CDIN1: variants seen among roughly 807,000 people sequenced by gnomAD.
CDIN1 encodes CDAN1-interacting nuclease 1.
Under a neutral mutation model 45.3 loss-of-function variants are expected in CDIN1, and 33 were observed. That is an observed-to-expected ratio of 0.73 (90% CI 0.55 to 0.97). The LOEUF (loss-of-function observed/expected upper bound fraction) is 0.97. Among genes scored for constraint, CDIN1 ranks in the 50% least tolerant of loss-of-function variants. CDIN1 has a pLI of 0.00. For synonymous variants in CDIN1, 118 were observed against 124.4 expected (o/e 0.95, Z 0.34); for missense variants, 303 against 339.4 (o/e 0.89, Z 0.84).
Position 36,631,173 on chromosome 15 carries a change from A to G in CDIN1, c.102-13105A>G, listed in dbSNP as rs1283074366. ...TTAGTGTTGTGAGGTCACATTTAAA[A>G]TTTTGTATTTATAATGGAAAAAATG... On this transcript the variant is annotated intron_variant, in intron 1 of 10. Coordinates refer to ENST00000566621, the MANE Select transcript of CDIN1 (RefSeq NM_001321759.2). Among the ~76,000 whole-genome samples the G allele has an allele frequency of 3.3e-5, 5 of 152,350 alleles. No individual in the cohort carries two copies. The East Asian group carries it at 9.6e-4, about 29-fold the overall frequency.
At chr15:36,744,518 G>A (rs1411496852) in intron 10 of CDIN1, among the ~76,000 whole-genome samples, 1 of 152,168 alleles carries the variant, frequency 6.6e-6, no homozygotes, top group African/African-American at 2.4e-5. Flanking sequence ...AACCAGGAAT[G>A]CAGAAATGAA....
chr15:36,613,462 G>T, intron 1 of CDIN1: 1 of 1,546,572 alleles, frequency 6.5e-7, no homozygotes, highest in Non-Finnish European at 8.8e-7. Flanking sequence ...GCAGTAGCTA[G>T]GTGGGCACCA....
intron 5 of CDIN1, among the ~76,000 whole-genome samples, chr15:36,665,998 C>A (rs748225658): frequency 5.9e-5 from 9 of 151,994 alleles, no homozygotes; most frequent in Non-Finnish European, 8.8e-5. Context: ...ATTGCAGAAC[C>A]ATGCAGATTT....
intron 10 of CDIN1, among the ~76,000 whole-genome samples, chr15:36,712,167 A>G (rs1164791930): frequency 6.6e-6 from 1 of 151,942 alleles, no homozygotes; most frequent in African/African-American, 2.4e-5. Flanking sequence ...TCTAGTTTAT[A>G]TAAAAACCAA....
intron 5 of CDIN1, among the ~76,000 whole-genome samples, chr15:36,666,310 AGACT>A (rs2041246708): frequency 6.6e-6 from 1 of 152,188 alleles, no homozygotes; most frequent in African/African-American, 2.4e-5. Context: ...GAAATGTAGT[AGACT>A]GAGAATTATC....
At chr15:36,624,891 G>A (rs1336996933) in intron 1 of CDIN1, among the ~76,000 whole-genome samples, 1 of 151,992 alleles carries the variant, frequency 6.6e-6, no homozygotes, top group Non-Finnish European at 1.5e-5. Flanking sequence ...TTTATATGAG[G>A]TTTCTGTGAC....
intron 5 of CDIN1, among the ~76,000 whole-genome samples, chr15:36,662,784 T>C (rs1201883198): frequency 1.3e-5 from 2 of 151,822 alleles, no homozygotes; most frequent in Non-Finnish European, 2.9e-5. Flanking sequence ...GAATGTATCA[T>C]GTGTGTACGT....
At chr15:36,755,634 T>C (rs1392247681) in intron 10 of CDIN1, among the ~76,000 whole-genome samples, 3 of 152,122 alleles carry the variant, frequency 2.0e-5, no homozygotes, top group South Asian at 4.2e-4. Context: ...CTAAAATAGA[T>C]TACTCATTAG....
intron 1 of CDIN1, among the ~76,000 whole-genome samples, chr15:36,623,233 T>C (rs554185188): frequency 6.6e-6 from 1 of 152,278 alleles, no homozygotes; most frequent in East Asian, 1.9e-4. Context: ...TTATTTCTTA[T>C]GTAAATAACA....
At chr15:36,673,449 G>T (rs983215979) in intron 5 of CDIN1, among the ~76,000 whole-genome samples, 4 of 152,098 alleles carry the variant, frequency 2.6e-5, no homozygotes, top group African/African-American at 4.8e-5. Flanking sequence ...TTGCTCAGGA[G>T]CTCATCAGTG....
At chr15:36,681,045 A>G (rs1167004741) in intron 5 of CDIN1, among the ~76,000 whole-genome samples, 2 of 152,160 alleles carry the variant, frequency 1.3e-5, no homozygotes, top group Non-Finnish European at 2.9e-5. Flanking sequence ...AGAGACAGAG[A>G]AAGAAAGAAA....
chr15:36,712,557 C>T (rs781036029), intron 10 of CDIN1, among the ~76,000 whole-genome samples: 2 of 152,140 alleles, frequency 1.3e-5, no homozygotes, highest in Admixed American at 6.6e-5. Flanking sequence ...AGCCACTGCA[C>T]CTGGCCTAGA....
intron 1 of CDIN1, chr15:36,617,775 G>C: frequency 1.2e-6 from 1 of 813,658 alleles, no homozygotes. Flanking sequence ...GTGATAAGTT[G>C]TGAGTTTGCA....
chr15:36,662,250 A>G (rs1006067535), intron 5 of CDIN1, among the ~76,000 whole-genome samples: 1 of 152,184 alleles, frequency 6.6e-6, no homozygotes, highest in African/African-American at 2.4e-5. Context: ...TGCCGTAAAG[A>G]TGAATGTTTT....
chr15:36,652,487 C>T (rs1448101859), intron 3 of CDIN1, among the ~76,000 whole-genome samples: 1 of 152,058 alleles, frequency 6.6e-6, no homozygotes, highest in African/African-American at 2.4e-5. Flanking sequence ...ATTGCTGGTT[C>T]CTTGGGTGGT....
At chr15:36,670,867 C>G (rs564992509) in intron 5 of CDIN1, among the ~76,000 whole-genome samples, 3 of 151,634 alleles carry the variant, frequency 2.0e-5, no homozygotes, top group Non-Finnish European at 2.9e-5. Context: ...TATTTAGTTG[C>G]TTCAGTTTAG....
At chr15:36,689,050 C>A (rs779831314) in intron 5 of CDIN1, among the ~76,000 whole-genome samples, 1 of 152,090 alleles carries the variant, frequency 6.6e-6, no homozygotes, top group Non-Finnish European at 1.5e-5. Flanking sequence ...TGCTGTTATT[C>A]CATTTAAAAC....
At chr15:36,723,337 A>T (rs888136344) in intron 10 of CDIN1, among the ~76,000 whole-genome samples, 1 of 152,116 alleles carries the variant, frequency 6.6e-6, no homozygotes, top group Non-Finnish European at 1.5e-5. Flanking sequence ...AGGATTCATC[A>T]ACTCATATAA....
At chr15:36,586,427 A>G (rs983802448) in intron 1 of CDIN1, among the ~76,000 whole-genome samples, 8 of 152,096 alleles carry the variant, frequency 5.3e-5, no homozygotes, top group African/African-American at 1.9e-4. Flanking sequence ...AGTGTCATCC[A>G]CTGCCACCAT....
Sources: allele counts gnomAD v4.1 joint callset (sites outside exome capture counted in the v4.1 genomes callset), GRCh38; gene constraint gnomAD v4.1.1; transcripts MANE v1.5; gene names NCBI Gene and HGNC (gene_info 2026-07-23, HGNC 2026-07-21).